SERINC5: variants seen among roughly 807,000 people sequenced by gnomAD.
SERINC5 encodes the protein serine incorporator 5, also known as chromosome 5 open reading frame 12.
Under a neutral mutation model 63.1 loss-of-function variants are expected in SERINC5, and 41 were observed. That is an observed-to-expected ratio of 0.65 (90% CI 0.51 to 0.84). The LOEUF (loss-of-function observed/expected upper bound fraction) is 0.84, where lower values mean the gene tolerates loss of function less well. Among genes scored for constraint, SERINC5 ranks in the 40% least tolerant of loss-of-function variants. SERINC5 has a pLI of 0.00. For synonymous variants in SERINC5, 222 were observed against 215.2 expected, an observed-to-expected ratio of 1.03 and a Z score of -0.28; for missense variants, 523 against 573.0, an observed-to-expected ratio of 0.91 and a Z score of 0.89.
At position 80,177,870 on chromosome 5, in the gene SERINC5, A is replaced by G; in HGVS notation, c.374+16T>C. On this transcript the variant is annotated intron_variant, in intron 3 of 11. Transcript: ENST00000507668. ...AGAAAGGAGAAAGCAATCCCCAAGA[A>G]GACTAAAATACTTACCCATTGTGAA... 6.3e-7 allele frequency: 1 copy of G among 1,589,082 alleles called. No individual in the cohort carries two copies. Among genetic ancestry groups the G allele is most frequent in the Non-Finnish European group, 8.6e-7 (1 of 1,168,626 alleles).
chr5:80,208,844 C>A (rs1003005858), intron 1 of SERINC5, among the ~76,000 whole-genome samples: 1 of 152,160 alleles, frequency 6.6e-6, no homozygotes, highest in African/African-American at 2.4e-5. Flanking sequence ...GAATTACGAC[C>A]TATACAATGA....
intron 1 of SERINC5, among the ~76,000 whole-genome samples, chr5:80,216,034 A>G (rs6859912): frequency 0.18 from 28,062 of 151,992 alleles, 3,175 homozygotes; most frequent in African/African-American, 0.32. Flanking sequence ...TAAAAATATC[A>G]TATCACACTT....
chr5:80,251,966 T>C (rs942145503), intron 1 of SERINC5, among the ~76,000 whole-genome samples: 19 of 63,422 alleles, frequency 3.0e-4, no homozygotes, highest in African/African-American at 1.0e-3. Flanking sequence ...CAATCCCTAT[T>C]GTCAAACTGC....
chr5:80,124,195 C>G (rs937619161), intron 11 of SERINC5, among the ~76,000 whole-genome samples: 2 of 152,140 alleles, frequency 1.3e-5, no homozygotes, highest in Non-Finnish European at 2.9e-5. Context: ...AATAAACTGA[C>G]AGCTCCCATA....
rs1745473990 is a variant in SERINC5, at chr5:80,141,018, C to G, written c.*2645G>C. 5.1e-6 allele frequency: 5 copies of G among 985,382 alleles called. No homozygotes were observed. Among genetic ancestry groups the G allele is most frequent in the Non-Finnish European group, 6.0e-6 (5 of 829,894 alleles). The allele number at this position is 985,382 out of a possible 1,614,324, so 61.0% of individuals were successfully genotyped here. On this transcript the variant is annotated 3_prime_UTR_variant, in exon 12 of 12. Transcript: ENST00000507668. ...CATTGGCACAATGTTTCCAGTTTCT[C>G]AAATCACAATTGCACAAAACTGTAG... is the stretch of plus-strand genomic sequence containing the variant.
intron 1 of SERINC5, among the ~76,000 whole-genome samples, chr5:80,206,878 G>A (rs1239596258): frequency 6.8e-6 from 1 of 147,706 alleles, no homozygotes; most frequent in African/African-American, 2.5e-5. Context: ...CAAACTCCTG[G>A]GCTCAAGTAA....
At chr5:80,223,814 T>C (rs1751032180) in intron 1 of SERINC5, among the ~76,000 whole-genome samples, 1 of 152,096 alleles carries the variant, frequency 6.6e-6, no homozygotes, top group South Asian at 2.1e-4. Flanking sequence ...TACAACTATC[T>C]ACTCATCAAC....
chr5:80,236,306 G>C (rs575719745), intron 1 of SERINC5, among the ~76,000 whole-genome samples: 32 of 152,280 alleles, frequency 2.1e-4, no homozygotes, highest in African/African-American at 7.7e-4. Flanking sequence ...TGAAGTAACT[G>C]ATCAAGGGCA....
intron 1 of SERINC5, among the ~76,000 whole-genome samples, chr5:80,255,663 C>T (rs1752635543): frequency 6.6e-6 from 1 of 152,190 alleles, no homozygotes; most frequent in Admixed American, 6.5e-5. Context: ...GTCCCGGAGG[C>T]CGGACGGGAA....
chr5:80,236,860 A>AT (rs2112578774), intron 1 of SERINC5, among the ~76,000 whole-genome samples: 1 of 141,368 alleles, frequency 7.1e-6, no homozygotes, highest in African/African-American at 2.7e-5. Context: ...TTCTTTTTTT[A>AT]TTTTTTTGAG....
intron 1 of SERINC5, among the ~76,000 whole-genome samples, chr5:80,211,610 A>G (rs186148119): frequency 6.6e-6 from 1 of 152,364 alleles, no homozygotes; most frequent in African/African-American, 2.4e-5. Context: ...TCTGCCTTGG[A>G]GCAGTCTAAC....
chr5:80,194,580 T>A (rs1377908515), intron 2 of SERINC5, among the ~76,000 whole-genome samples: 1 of 152,242 alleles, frequency 6.6e-6, no homozygotes, highest in African/African-American at 2.4e-5. Context: ...CTCTGTTTTC[T>A]ACTTCAGAAT....
intron 4 of SERINC5, 128 bp from the exon 5 acceptor site, chr5:80,175,175 A>G (rs898559009): frequency 1.7e-6 from 1 of 603,584 alleles, no homozygotes; most frequent in South Asian, 2.2e-5. Context: ...ACCATATAAG[A>G]TATGTATTAC....
chr5:80,115,069 G>A (rs1744279511), intron 11 of SERINC5, among the ~76,000 whole-genome samples: 1 of 152,008 alleles, frequency 6.6e-6, no homozygotes, highest in Non-Finnish European at 1.5e-5. Flanking sequence ...ATTAGGGAAA[G>A]TGGAGCCACC....
chr5:80,243,455 A>G (rs550560044), intron 1 of SERINC5, among the ~76,000 whole-genome samples: 4 of 152,180 alleles, frequency 2.6e-5, no homozygotes, highest in Non-Finnish European at 5.9e-5. Flanking sequence ...AACTAGGAAC[A>G]GTAGTGAGCT....
intron 4 of SERINC5, among the ~76,000 whole-genome samples, 183 bp from the exon 5 acceptor site, chr5:80,175,230 C>T (rs1165450084): frequency 6.6e-6 from 1 of 152,134 alleles, no homozygotes; most frequent in African/African-American, 2.4e-5. Context: ...AATTGAGAAT[C>T]TATGTAGGTT....
At position 80,227,044 on chromosome 5, in the gene SERINC5, C is replaced by T. The variant is rs554937126; in HGVS notation, c.28-23991G>A. Among the ~76,000 whole-genome samples, 4 of 152,038 alleles carry T rather than the reference C, an allele frequency of 2.6e-5. No homozygotes were observed. The East Asian group carries it at 7.8e-4, about 30-fold the overall frequency. ...CTGAGTAGCTGGGATTATAGGTGCC[C>T]CCCACCACGCCCGGCTAATTTTTGT... On this transcript the variant is annotated intron_variant, in intron 1 of 11. Coordinates refer to ENST00000507668, the MANE Select transcript of SERINC5 (RefSeq NM_001174072.3).
chr5:80,179,283 A>G (rs1261853858), intron 2 of SERINC5, among the ~76,000 whole-genome samples: 3 of 152,192 alleles, frequency 2.0e-5, no homozygotes, highest in African/African-American at 4.8e-5. Flanking sequence ...TGGGCAACAG[A>G]GTGAGACTCT....
In SERINC5 at chr5:80,177,397, G is replaced by A. The variant is rs757782596; in HGVS notation, c.375C>T (p.Gly125=). ...SKSCRAHIHN[G]FWFFKLLLLG... The stretch of plus-strand genomic sequence containing the variant: ...ACAGCAGAAGTTTAAAGAACCAAAA[G>A]CTAGAAGTGGGGGGAAAAAAAAGAG... Residue 125 remains glycine, a splice_region_variant and synonymous_variant, in exon 4 of 12, where the codon GGC becomes GGT. Coordinates refer to ENST00000507668, the MANE Select transcript of SERINC5 (RefSeq NM_001174072.3). 1.9e-6 allele frequency: 3 copies of A among 1,611,694 alleles called. No individual in the cohort carries two copies. Among genetic ancestry groups the A allele is most frequent in the Non-Finnish European group, 2.5e-6 (3 of 1,178,170 alleles).
Sources: gnomAD v4.1 joint callset for allele counts (sites outside exome capture counted in the v4.1 genomes callset) on GRCh38, gnomAD v4.1.1 for gene constraint, MANE v1.5 for transcripts, NCBI Gene and HGNC (gene_info 2026-07-23, HGNC 2026-07-21) for gene names.